Variants in PRKAR2A observed in about 807,000 individuals in gnomAD.
PRKAR2A encodes cAMP-dependent protein kinase type II-alpha regulatory subunit.
PRKAR2A carries 29 observed loss-of-function variants against 51.9 expected under a neutral mutation model. That is an observed-to-expected ratio of 0.56 (90% CI 0.42 to 0.76). The LOEUF (loss-of-function observed/expected upper bound fraction) is 0.76. Ranked by LOEUF, PRKAR2A falls within the 30% of genes least tolerant of loss-of-function variation. PRKAR2A has a pLI of 0.00. For synonymous variants in PRKAR2A, 178 were observed against 186.2 expected (o/e 0.96, Z 0.36); for missense variants, 445 against 512.1 (o/e 0.87, Z 1.26).
chr3:48,747,834 G>A lies in PRKAR2A; in HGVS notation c.*3751C>T, dbSNP rs1164134719. The A allele has an allele frequency of 6.6e-6, 1 of 152,222 alleles. No individual in the cohort carries two copies. The highest frequency in any genetic ancestry group is 1.5e-5 in the Non-Finnish European group (1 of 68,062). 9.4% of individuals were successfully genotyped at this position (152,222 alleles called of 1,614,324 possible). On this transcript the variant is annotated 3_prime_UTR_variant, in exon 11 of 11. Coordinates refer to ENST00000265563, the MANE Select transcript of PRKAR2A (RefSeq NM_004157.4). ...ACAAAGGGATCTCTTTCCAACACATGCTCCTCTCCATGAGGCTCAACCGTC... is the reference window on the plus strand; with the variant it reads ...ACAAAGGGATCTCTTTCCAACACATACTCCTCTCCATGAGGCTCAACCGTC...
At chr3:48,752,060 A>G in intron 10 of PRKAR2A, 116 bp downstream of exon 10, 1 of 1,244,590 alleles carries the variant, frequency 8.0e-7, no homozygotes, top group South Asian at 1.6e-5. Context: ...TTGGTCACAT[A>G]AACTGCCTAG....
intron 2 of PRKAR2A, among the ~76,000 whole-genome samples, chr3:48,797,315 C>T (rs1288141586): frequency 6.6e-6 from 1 of 151,980 alleles, no homozygotes; most frequent in Admixed American, 6.6e-5. Context: ...GCTACAAGTG[C>T]AAGCCACCAC....
rs145089730 is a variant in PRKAR2A at position 48,777,063 on chromosome 3, G to C, written c.543-3955C>G. Among the ~76,000 whole-genome samples, 941 of 152,082 alleles carry C rather than the reference G, an allele frequency of 6.2e-3. 14 individuals carry two copies. Among genetic ancestry groups the C allele is most frequent in the African/African-American group, 0.022 (898 of 41,498 alleles). Reference sequence around the variant, plus strand: ...AGAAAGCCTGAGTGCTCCCTCCTTCGGTGCTGACGGGGAGTTCAATCAACA... The same window carrying C: ...AGAAAGCCTGAGTGCTCCCTCCTTCCGTGCTGACGGGGAGTTCAATCAACA... On this transcript the variant is annotated intron_variant, in intron 5 of 10. Coordinates refer to ENST00000265563, the MANE Select transcript of PRKAR2A (RefSeq NM_004157.4).
rs905659017 is a variant in PRKAR2A, at chr3:48,797,639, C to T, written c.299-3590G>A. Among the ~76,000 whole-genome samples, 4 of 152,116 alleles carry T rather than the reference C, an allele frequency of 2.6e-5. No homozygotes were observed. The East Asian group carries it at 5.8e-4, about 22-fold the overall frequency. The stretch of plus-strand genomic sequence containing the variant: ...CATGCCACTTGTGCAGTAATGCCAT[C>T]GATACCAAGTGCCCAACAGGGACCC... On this transcript the variant is annotated intron_variant, in intron 2 of 10. Coordinates refer to ENST00000265563, the MANE Select transcript of PRKAR2A (RefSeq NM_004157.4).
intron 1 of PRKAR2A, among the ~76,000 whole-genome samples, chr3:48,840,879 CTTTTTTTTTTT>C (rs998914309): frequency 9.9e-6 from 1 of 100,736 alleles, no homozygotes; most frequent in Admixed American, 1.1e-4. Context: ...CCTGGCCCAC[CTTTTTTTTTTT>C]TTTTTTTTTT....
chr3:48,847,347 C>A lies in PRKAR2A; in HGVS notation c.250G>T (p.Glu84Ter). ...GCCCACAGCCTACCTTCCAAGTCCTCGTCCTCCTCCGACTCGCTGTCCCCT... is the reference window on the plus strand; with the variant it reads ...GCCCACAGCCTACCTTCCAAGTCCTAGTCCTCCTCCGACTCGCTGTCCCCT... ...AKGDSESEED[E>*]DLEVPVPSRF... is the part of the protein sequence containing the mutation. The change falls in exon 1 of 11, where the codon GAG (glutamate) becomes TAG (stop). Residue 84 changes from glutamate to a stop codon, truncating the protein, a stop_gained. Transcript: ENST00000265563. LOFTEE classifies it high-confidence loss of function. This position sits in a 1 kb window ranked among gnomAD's most constrained non-coding sequence, Gnocchi z 4.4. 6.2e-7 allele frequency: 1 copy of A among 1,613,604 alleles called. No individual in the cohort carries two copies. The highest frequency in any genetic ancestry group is 8.5e-7 in the Non-Finnish European group (1 of 1,179,724).
chr3:48,823,344 G>A (rs1490854470), intron 1 of PRKAR2A, among the ~76,000 whole-genome samples: 2 of 151,904 alleles, frequency 1.3e-5, no homozygotes, highest in African/African-American at 2.4e-5. Context: ...CTTACGGGTT[G>A]AGCCCTCAAC....
intron 1 of PRKAR2A, among the ~76,000 whole-genome samples, chr3:48,840,879 C>CT (rs998914309): frequency 0.031 from 3,122 of 100,722 alleles, 135 homozygotes; most frequent in South Asian, 0.072. Flanking sequence ...CCTGGCCCAC[C>CT]TTTTTTTTTT....
chr3:48,830,199 G>C (rs1043808571), intron 1 of PRKAR2A, among the ~76,000 whole-genome samples: 2 of 147,928 alleles, frequency 1.4e-5, no homozygotes, highest in African/African-American at 5.0e-5. Flanking sequence ...GCGAAGCTCC[G>C]TCTCAAAAAA....
Position 48,847,693 on chromosome 3 carries a change from T to C in PRKAR2A, c.-97A>G. The stretch of plus-strand genomic sequence containing the variant: ...CCTTTCGCTCCGCGCCCGCGAGGTC[T>C]CTTCGCGCACGGCCCCGGCTCACGT... On this transcript the variant is annotated 5_prime_UTR_variant, in exon 1 of 11. Coordinates refer to ENST00000265563, the MANE Select transcript of PRKAR2A (RefSeq NM_004157.4). This position sits in a 1 kb window ranked among gnomAD's most constrained non-coding sequence, Gnocchi z 4.4. 1 of 1,233,704 alleles carries C rather than the reference T, an allele frequency of 8.1e-7. No homozygotes were observed. The highest frequency in any genetic ancestry group is 1.1e-6 in the Non-Finnish European group (1 of 944,468). 76.4% of individuals were successfully genotyped at this position (1,233,704 alleles called of 1,614,324 possible). A position where few individuals can be genotyped will look rare whatever the true frequency, so the allele number is the denominator to read the frequency against.
At chr3:48,767,036 T>A (rs1322200441) in intron 6 of PRKAR2A, among the ~76,000 whole-genome samples, 1 of 152,136 alleles carries the variant, frequency 6.6e-6, no homozygotes, top group Non-Finnish European at 1.5e-5. Flanking sequence ...TTCTCAGATA[T>A]GTGTACACAT....
chr3:48,766,779 C>T (rs1386929380), intron 6 of PRKAR2A, among the ~76,000 whole-genome samples: 3 of 151,990 alleles, frequency 2.0e-5, no homozygotes, highest in Non-Finnish European at 4.4e-5. Context: ...TGGAGAGACA[C>T]GGGAGGAATA....
At position 48,765,482 on chromosome 3, in the gene PRKAR2A, A is replaced by G. The variant is rs940414223; in HGVS notation, c.697-133T>C. On this transcript the variant is annotated intron_variant, in intron 6 of 10. Transcript: ENST00000265563. ...TAATTAAGTGTTTAATGATACTTCA[A>G]TCTTGAGTCATCACTGGAAGTAAAG... is the stretch of plus-strand genomic sequence containing the variant. The G allele has an allele frequency of 6.8e-5, 44 of 649,850 alleles. No individual in the cohort carries two copies. The African/African-American group carries it at 7.7e-4, about 11-fold the overall frequency. The allele number at this position is 649,850 out of a possible 1,614,324, so 40.3% of individuals were successfully genotyped here.
intron 1 of PRKAR2A, among the ~76,000 whole-genome samples, chr3:48,842,010 G>T (rs1379965145): frequency 1.3e-5 from 2 of 152,082 alleles, no homozygotes; most frequent in Non-Finnish European, 2.9e-5. Context: ...GGACAGTATG[G>T]CCATTTTCAC....
At chr3:48,843,624 G>C (rs2083413534) in intron 1 of PRKAR2A, among the ~76,000 whole-genome samples, 1 of 152,078 alleles carries the variant, frequency 6.6e-6, no homozygotes, top group African/African-American at 2.4e-5. Context: ...CATGGTACTG[G>C]TACCAAAACA....
rs915973542 is a variant in PRKAR2A, at chr3:48,752,243, C to T, written c.1014G>A (p.Glu338=). 24 of 1,614,226 alleles carry T rather than the reference C, an allele frequency of 1.5e-5. No homozygotes were observed. Among genetic ancestry groups the T allele is most frequent in the Middle Eastern group, 1.6e-4 (1 of 6,062 alleles). ...ARCHKGQYFG[E]LALVTNKPRA... ...TGGGTTTGTTGGTGACCAGGGCAAGCTCTCCAAAGTACTGCCCCTTATGGC... is the reference window on the plus strand; with the variant it reads ...TGGGTTTGTTGGTGACCAGGGCAAGTTCTCCAAAGTACTGCCCCTTATGGC... The change falls in exon 10 of 11, where the codon GAG becomes GAA. Residue 338 remains glutamate, a synonymous_variant. Transcript: ENST00000265563.
chr3:48,817,998 G>A (rs1223244075), intron 1 of PRKAR2A, among the ~76,000 whole-genome samples: 2 of 152,112 alleles, frequency 1.3e-5, no homozygotes, highest in Non-Finnish European at 2.9e-5. Flanking sequence ...TACAAGAGGG[G>A]AGAAATCCAG....
intron 8 of PRKAR2A, among the ~76,000 whole-genome samples, chr3:48,757,412 T>C (rs2081789484): frequency 6.6e-6 from 1 of 152,168 alleles, no homozygotes; most frequent in African/African-American, 2.4e-5. Context: ...CAGTCAAAAC[T>C]ACCACATTCC....
At chr3:48,756,993 G>A (rs114753576) in intron 8 of PRKAR2A, among the ~76,000 whole-genome samples, 1,832 of 152,288 alleles carry the variant, frequency 0.012, 25 homozygotes, top group Middle Eastern at 0.031. Flanking sequence ...GGTGCCTGTG[G>A]GTTTCTGCCC....
Sources: allele counts gnomAD v4.1 joint callset (sites outside exome capture counted in the v4.1 genomes callset), GRCh38; gene constraint gnomAD v4.1.1; non-coding constraint Gnocchi (gnomAD v3.1); transcripts MANE v1.5; gene names NCBI Gene and HGNC (gene_info 2026-07-23, HGNC 2026-07-21).